Variants in SGCZ observed in about 807,000 individuals in gnomAD.
SGCZ encodes zeta-sarcoglycan.
Under a neutral mutation model 41.3 loss-of-function variants are expected in SGCZ, and 40 were observed. The observed-to-expected ratio is 0.97, with a 90% CI of 0.75 to 1.26. SGCZ has a LOEUF of 1.26. Ranked by LOEUF, SGCZ falls within the 50% of genes most tolerant of loss-of-function variation. The pLI, the probability that SGCZ is intolerant of heterozygous loss-of-function variation, is 0.00. For synonymous variants in SGCZ, 206 were observed against 137.5 expected (o/e 1.50, Z -3.49); for missense variants, 552 against 369.8 (o/e 1.49, Z -4.04).
At chr8:14,867,599 C>T (rs543232936) in intron 1 of SGCZ, among the ~76,000 whole-genome samples, 7 of 152,232 alleles carry the variant, frequency 4.6e-5, no homozygotes, top group African/African-American at 1.7e-4. Flanking sequence ...TTCTCCACAA[C>T]CTCGCCAGCA....
In SGCZ at chr8:14,538,802, G is replaced by C. The variant is rs149163696; in HGVS notation, c.234+15930C>G. On this transcript the variant is annotated intron_variant, in intron 2 of 7. Transcript: ENST00000382080. ...TTAAGGAGCCAGCTGGACTTTATCT[G>C]TTAGGCAATGAAGAGTCTTACATAT... is the stretch of plus-strand genomic sequence containing the variant. 3.0e-3 allele frequency among the ~76,000 whole-genome samples: 458 copies of C among 151,946 alleles called. 2 individuals are homozygous for C. Among genetic ancestry groups the C allele is most frequent in the African/African-American group, 0.011 (441 of 41,498 alleles).
chr8:14,627,902 A>G (rs1405120253), intron 1 of SGCZ, among the ~76,000 whole-genome samples: 1 of 152,082 alleles, frequency 6.6e-6, no homozygotes, highest in African/African-American at 2.4e-5. Flanking sequence ...AATGTCTAGA[A>G]ACTAATATAA....
rs116123777 is a variant in SGCZ, at chr8:14,782,394, G to C, written c.40-227468C>G. Among the ~76,000 whole-genome samples the C allele has an allele frequency of 9.6e-3, 1,456 of 152,082 alleles. 30 individuals carry two copies. The highest frequency in any genetic ancestry group is 0.034 in the African/African-American group (1,393 of 41,522). On this transcript the variant is annotated intron_variant, in intron 1 of 7. Coordinates refer to ENST00000382080, the MANE Select transcript of SGCZ (RefSeq NM_139167.4). ...GTAAGCTTCTGTTTTGTTTTGTCTTGTTTTGTTTTTCTTTTTGTTCATGTA... is the reference window on the plus strand; with the variant it reads ...GTAAGCTTCTGTTTTGTTTTGTCTTCTTTTGTTTTTCTTTTTGTTCATGTA...
chr8:14,612,668 T>C (rs576026023), intron 1 of SGCZ, among the ~76,000 whole-genome samples: 1 of 151,742 alleles, frequency 6.6e-6, no homozygotes, highest in Non-Finnish European at 1.5e-5. Context: ...GTTGTGTTTT[T>C]TTGTTTTTTT....
At chr8:14,320,870 T>TA (rs1381291989) in intron 3 of SGCZ, among the ~76,000 whole-genome samples, 1 of 151,996 alleles carries the variant, frequency 6.6e-6, no homozygotes, top group Non-Finnish European at 1.5e-5. Flanking sequence ...TCGTCTCAGA[T>TA]AAGAGGTTCT....
intron 3 of SGCZ, among the ~76,000 whole-genome samples, chr8:14,260,613 C>T (rs568152821): frequency 2.0e-5 from 3 of 149,084 alleles, no homozygotes; most frequent in South Asian, 2.1e-4. Flanking sequence ...ACCCAAAGGA[C>T]TATAAATCGT....
At chr8:14,921,693 G>A (rs910323159) in intron 1 of SGCZ, among the ~76,000 whole-genome samples, 4 of 152,086 alleles carry the variant, frequency 2.6e-5, no homozygotes, top group Non-Finnish European at 5.9e-5. Flanking sequence ...TTTTACAGAT[G>A]TAAAGTTAGT....
chr8:14,533,632 G>A (rs1478040389), intron 2 of SGCZ, among the ~76,000 whole-genome samples: 1 of 151,894 alleles, frequency 6.6e-6, no homozygotes, highest in South Asian at 2.1e-4. Context: ...TTCCAATCTA[G>A]GATCAGCCAG....
intron 1 of SGCZ, among the ~76,000 whole-genome samples, chr8:14,861,036 G>A (rs1257754402): frequency 6.6e-6 from 1 of 152,158 alleles, no homozygotes; most frequent in Non-Finnish European, 1.5e-5. Flanking sequence ...TGTCCCTGCA[G>A]CACAGAATTG....
intron 4 of SGCZ, among the ~76,000 whole-genome samples, chr8:14,182,310 G>T (rs1458797922): frequency 6.6e-6 from 1 of 152,186 alleles, no homozygotes; most frequent in Non-Finnish European, 1.5e-5. Flanking sequence ...CGAGCAGCAG[G>T]TTTCCCTGAG....
Position 14,286,743 on chromosome 8 carries a change from A to G in SGCZ, c.336+37360T>C, listed in dbSNP as rs1185158728. Among the ~76,000 whole-genome samples, 25 of 152,268 alleles carry G rather than the reference A, an allele frequency of 1.6e-4. 1 individual carries two copies. Among genetic ancestry groups the G allele is most frequent in the African/African-American group, 2.4e-5 (1 of 41,578 alleles). ...AAATTATTCACTGTATTCTTAGGCCATATTTCCAGAAATCAATCTGTTACA... is the reference window on the plus strand; with the variant it reads ...AAATTATTCACTGTATTCTTAGGCCGTATTTCCAGAAATCAATCTGTTACA... On this transcript the variant is annotated intron_variant, in intron 3 of 7. Transcript: ENST00000382080.
intron 5 of SGCZ, among the ~76,000 whole-genome samples, chr8:14,131,966 GT>G (rs1385092153): frequency 6.6e-6 from 1 of 152,086 alleles, no homozygotes; most frequent in South Asian, 2.1e-4. Flanking sequence ...ACTCTATGAT[GT>G]TCACATAATG....
intron 1 of SGCZ, among the ~76,000 whole-genome samples, chr8:14,610,720 T>A (rs1036243172): frequency 1.3e-5 from 2 of 152,108 alleles, no homozygotes; most frequent in African/African-American, 4.8e-5. Context: ...ATAAGTTGCA[T>A]CTGTTGTAAG....
chr8:14,711,183 T>C (rs58111790), intron 1 of SGCZ, among the ~76,000 whole-genome samples: 6,505 of 152,296 alleles, frequency 0.043, 463 homozygotes, highest in African/African-American at 0.15. Context: ...GGATAAATGT[T>C]AAAACATTAA....
intron 3 of SGCZ, among the ~76,000 whole-genome samples, chr8:14,248,051 A>G (rs1799167749): frequency 6.6e-6 from 1 of 152,196 alleles, no homozygotes; most frequent in South Asian, 2.1e-4. Context: ...TGTCCAAAGA[A>G]ATCAAATTTT....
chr8:14,878,083 T>G (rs1230888227), intron 1 of SGCZ, among the ~76,000 whole-genome samples: 3 of 152,212 alleles, frequency 2.0e-5, no homozygotes, highest in African/African-American at 7.2e-5. Flanking sequence ...AGTGTCTCAA[T>G]TGCAGTTCCC....
chr8:14,181,960 C>T (rs1339740192), intron 4 of SGCZ, among the ~76,000 whole-genome samples: 3 of 152,148 alleles, frequency 2.0e-5, no homozygotes, highest in Non-Finnish European at 4.4e-5. Flanking sequence ...AATTAGGTTT[C>T]TCTGACTCAT....
At chr8:15,237,392 C>T (rs1802169039) in intron 1 of SGCZ, among the ~76,000 whole-genome samples, 193 bp downstream of exon 1, 1 of 152,174 alleles carries the variant, frequency 6.6e-6, no homozygotes, top group African/African-American at 2.4e-5. Context: ...TGCAGCCTGG[C>T]TCGGGAGAAC....
intron 1 of SGCZ, among the ~76,000 whole-genome samples, chr8:15,066,035 G>C (rs1010363139): frequency 2.0e-5 from 3 of 152,004 alleles, no homozygotes; most frequent in Non-Finnish European, 2.9e-5. Context: ...TGGGCCGGGC[G>C]CGGTGGCTCA....
Sources: allele counts gnomAD v4.1 joint callset (sites outside exome capture counted in the v4.1 genomes callset), GRCh38; gene constraint gnomAD v4.1.1; transcripts MANE v1.5; gene names NCBI Gene and HGNC (gene_info 2026-07-23, HGNC 2026-07-21).